The following NTRK3 variants were observed in gnomAD, a reference collection of about 807,000 sequenced individuals.
The protein encoded by NTRK3 is NT-3 growth factor receptor.
Under a neutral mutation model 91.7 loss-of-function variants are expected in NTRK3, and 24 were observed. The observed-to-expected ratio is 0.26, with a 90% CI of 0.19 to 0.37. The LOEUF is 0.37. Ranked by LOEUF, NTRK3 falls within the 10% of genes least tolerant of loss-of-function variation. NTRK3 has a pLI of 1.00. For synonymous variants in NTRK3, 483 were observed against 404.0 expected (o/e 1.20, Z -2.34); for missense variants, 880 against 1,068.9 (o/e 0.82, Z 2.46).
intron 14 of NTRK3, among the ~76,000 whole-genome samples, chr15:88,018,693 G>C (rs1227603135): frequency 2.0e-5 from 3 of 152,062 alleles, no homozygotes; most frequent in Non-Finnish European, 2.9e-5. Context: ...CTGTGCCTCA[G>C]TTTCCTCACC....
chr15:88,012,123 C>T lies in NTRK3; in HGVS notation c.1585+20734G>A, dbSNP rs142060810. The stretch of plus-strand genomic sequence containing the variant: ...GCCTTGTGCAGCATGAAGGAGAGAG[C>T]ATGCATTGTTCTTCACAGAATCCCA... On this transcript the variant is annotated intron_variant, in intron 14 of 18. Coordinates refer to ENST00000394480, the Ensembl canonical transcript of NTRK3. 3.0e-3 allele frequency among the ~76,000 whole-genome samples: 454 copies of T among 152,276 alleles called. 2 individuals are homozygous for T. Among genetic ancestry groups the T allele is most frequent in the African/African-American group, 9.9e-3 (410 of 41,574 alleles).
At chr15:88,197,439 C>T (rs574411833) in intron 3 of NTRK3, among the ~76,000 whole-genome samples, 1 of 152,160 alleles carries the variant, frequency 6.6e-6, no homozygotes. Flanking sequence ...GATCATGTCC[C>T]CTACAGGCCC....
exon 8 of NTRK3, chr15:88,136,492 C>T (rs2151208442): frequency 6.2e-7 from 1 of 1,614,144 alleles, no homozygotes; most frequent in Non-Finnish European, 8.5e-7. Context: ...GGACTGCAGC[C>T]CAGTGACTAT....
At chr15:88,152,216 G>T (rs143408750) in intron 5 of NTRK3, among the ~76,000 whole-genome samples, 2 of 152,108 alleles carry the variant, frequency 1.3e-5, no homozygotes, top group Non-Finnish European at 2.9e-5. Flanking sequence ...CAGGAGAATC[G>T]CTTGAACCCA....
intron 10 of NTRK3, 102 bp downstream of exon 10, chr15:88,134,999 G>A (rs1038989260): frequency 8.8e-6 from 12 of 1,361,408 alleles, no homozygotes; most frequent in Non-Finnish European, 4.2e-6. Context: ...CATGATAACA[G>A]TATGAGTACT....
intron 14 of NTRK3, among the ~76,000 whole-genome samples, chr15:87,948,494 C>T (rs2070788199): frequency 6.6e-6 from 1 of 152,174 alleles, no homozygotes; most frequent in Non-Finnish European, 1.5e-5. Flanking sequence ...TCAAGACCAG[C>T]CTGGCCAACA....
intron 14 of NTRK3, among the ~76,000 whole-genome samples, chr15:87,984,350 AG>A (rs1423652659): frequency 6.6e-6 from 1 of 152,158 alleles, no homozygotes; most frequent in Non-Finnish European, 1.5e-5. Flanking sequence ...GGCCCTTCTA[AG>A]GTTGTGGGAA....
intron 14 of NTRK3, among the ~76,000 whole-genome samples, chr15:87,965,010 C>A (rs1003899605): frequency 2.0e-5 from 3 of 151,962 alleles, no homozygotes; most frequent in Non-Finnish European, 4.4e-5. Context: ...TATATCACTT[C>A]CACAAAAATT....
At chr15:87,992,036 GT>G (rs1194193578) in intron 14 of NTRK3, among the ~76,000 whole-genome samples, 1 of 151,218 alleles carries the variant, frequency 6.6e-6, no homozygotes, top group African/African-American at 2.4e-5. Context: ...TAGGGCCACT[GT>G]TTGGGGGCTT....
Position 88,158,885 on chromosome 15 carries a change from G to A in NTRK3, c.396-11482C>T, listed in dbSNP as rs113553863. ...TCACACTCATTTTTACTCAAGAGCT[G>A]TCATGACAAGAGAAAAAAAAAGACG... On this transcript the variant is annotated intron_variant, in intron 5 of 18. Transcript: ENST00000394480. Among the ~76,000 whole-genome samples, 427 of 152,206 alleles carry A rather than the reference G, an allele frequency of 2.8e-3. 3 individuals carry two copies. In the Middle Eastern group the frequency reaches 0.031, roughly 11 times the overall value.
At chr15:88,042,874 G>A (rs988662338) in intron 13 of NTRK3, among the ~76,000 whole-genome samples, 7 of 152,164 alleles carry the variant, frequency 4.6e-5, no homozygotes, top group South Asian at 2.1e-4. Context: ...ACAGATCCAC[G>A]TCTATCTGAC....
chr15:88,160,911 T>C (rs912740095), intron 5 of NTRK3, among the ~76,000 whole-genome samples: 6 of 152,190 alleles, frequency 3.9e-5, no homozygotes, highest in Non-Finnish European at 7.3e-5. Context: ...TTGTGGGACC[T>C]GCCCTGAGAA....
intron 5 of NTRK3, among the ~76,000 whole-genome samples, chr15:88,152,245 G>A (rs918511669): frequency 6.6e-6 from 1 of 152,140 alleles, no homozygotes; most frequent in Admixed American, 6.5e-5. Context: ...AAGTTGCAGT[G>A]AGCTGAGATT....
chr15:88,062,686 AT>A (rs1430710186), intron 13 of NTRK3, among the ~76,000 whole-genome samples: 2 of 152,264 alleles, frequency 1.3e-5, no homozygotes, highest in Non-Finnish European at 2.9e-5. Context: ...ACAGAAGTAA[AT>A]GTCCATTTTC....
intron 14 of NTRK3, among the ~76,000 whole-genome samples, chr15:88,020,162 C>T (rs556669459): frequency 6.0e-4 from 92 of 152,214 alleles, no homozygotes; most frequent in African/African-American, 2.1e-3. Flanking sequence ...TTTGTTTCAA[C>T]AAAATTAAGT....
chr15:87,983,637 T>G (rs1198751374), intron 14 of NTRK3, among the ~76,000 whole-genome samples: 2 of 152,200 alleles, frequency 1.3e-5, no homozygotes, highest in Admixed American at 1.3e-4. Flanking sequence ...CAGCCCCAAG[T>G]TCACTTTGTG....
intron 3 of NTRK3, among the ~76,000 whole-genome samples, chr15:88,229,036 A>T (rs1260895073): frequency 6.6e-6 from 1 of 152,150 alleles, no homozygotes; most frequent in Non-Finnish European, 1.5e-5. Flanking sequence ...TGCAGCCACC[A>T]TGCAACCATG....
intron 5 of NTRK3, among the ~76,000 whole-genome samples, chr15:88,173,064 G>T (rs1173156435): frequency 6.6e-6 from 1 of 152,082 alleles, no homozygotes; most frequent in Non-Finnish European, 1.5e-5. Flanking sequence ...ACACATTTGG[G>T]GTTCAATAAC....
At chr15:87,882,747 T>C (rs2065321099) in intron 17 of NTRK3, among the ~76,000 whole-genome samples, 1 of 152,086 alleles carries the variant, frequency 6.6e-6, no homozygotes, top group African/African-American at 2.4e-5. Flanking sequence ...CTTACTAAAA[T>C]TTTAAAGTAG....
Sources: gnomAD v4.1 joint callset for allele counts (sites outside exome capture counted in the v4.1 genomes callset) on GRCh38, gnomAD v4.1.1 for gene constraint, MANE v1.5 for transcripts, NCBI Gene and HGNC (gene_info 2026-07-23, HGNC 2026-07-21) for gene names.